ADA2: variants seen among roughly 807,000 people sequenced by gnomAD.
ADA2 encodes adenosine deaminase CECR1.
A neutral mutation model predicts 44.2 loss-of-function variants in ADA2; 29 were observed. The observed-to-expected ratio is 0.66, with a 90% CI of 0.49 to 0.89. The LOEUF (loss-of-function observed/expected upper bound fraction) is 0.89, where lower values mean the gene tolerates loss of function less well. Ranked by LOEUF, ADA2 falls within the 40% of genes least tolerant of loss-of-function variation. The pLI, the probability that ADA2 is intolerant of heterozygous loss-of-function variation, is 0.00. For synonymous variants in ADA2, 215 were observed against 234.9 expected, an observed-to-expected ratio of 0.92 and a Z score of 0.77; for missense variants, 637 against 644.8, an observed-to-expected ratio of 0.99 and a Z score of 0.13.
chr22:17,181,374 AT>A lies in ADA2; in HGVS notation c.*108del. The stretch of plus-strand genomic sequence containing the variant: ...CAAGTGCTTCTCACAGGGTCGCTCC[AT>A]ACAGAGGCCATTGATTTCATGGGCA... On this transcript the variant is annotated 3_prime_UTR_variant, in exon 10 of 10. Coordinates refer to ENST00000399837, the MANE Select transcript of ADA2 (RefSeq NM_001282225.2). 1.3e-6 allele frequency: 1 copy of A among 791,284 alleles called. No homozygotes were observed. Among genetic ancestry groups the A allele is most frequent in the Middle Eastern group, 3.0e-4 (1 of 3,384 alleles). 49.0% of individuals were successfully genotyped at this position (791,284 alleles called of 1,614,324 possible).
chr22:17,216,769 A>ACACAC (rs373885180), intron 1 of ADA2, among the ~76,000 whole-genome samples: 13 of 120,150 alleles, frequency 1.1e-4, no homozygotes, highest in South Asian at 4.8e-4. Flanking sequence ...AAAAAAAAAA[A>ACACAC]AAACACACAC....
chr22:17,210,471 T>C lies in ADA2; in HGVS notation c.-46-748A>G, dbSNP rs542526631. Among the ~76,000 whole-genome samples, 7 of 152,240 alleles carry C rather than the reference T, an allele frequency of 4.6e-5. No homozygotes were observed. In the South Asian group the frequency reaches 1.2e-3, roughly 27 times the overall value. The stretch of plus-strand genomic sequence containing the variant: ...TCCCAAAGTGCTGGGATTACAGGCA[T>C]GAGTCACCGCGCCCGGCAGGTTTTC... On this transcript the variant is annotated intron_variant, in intron 1 of 9. Transcript: ENST00000399837.
chr22:17,208,149 G>A (rs977140695), intron 2 of ADA2, among the ~76,000 whole-genome samples: 1 of 151,976 alleles, frequency 6.6e-6, no homozygotes, highest in African/African-American at 2.4e-5. Context: ...AAAACAGCTG[G>A]GCACAGTGGC....
In ADA2 at chr22:17,179,679, G is replaced by C. The variant is rs1300935910; in HGVS notation, c.*1804C>G. 1.3e-5 allele frequency: 2 copies of C among 152,314 alleles called. No homozygotes were observed. The highest frequency in any genetic ancestry group is 2.9e-5 in the Non-Finnish European group (2 of 68,142). The allele number at this position is 152,314 out of a possible 1,614,324, so 9.4% of individuals were successfully genotyped here. Reference sequence around the variant, plus strand: ...AGCCGAGGACATTTGAGGAAGAAAGGGCCGCCGGGGTTGGGGCCCTCTGGG... The same window carrying C: ...AGCCGAGGACATTTGAGGAAGAAAGCGCCGCCGGGGTTGGGGCCCTCTGGG... On this transcript the variant is annotated 3_prime_UTR_variant, in exon 10 of 10. Coordinates refer to ENST00000399837, the MANE Select transcript of ADA2 (RefSeq NM_001282225.2).
chr22:17,182,901 T>G, intron 7 of ADA2, 140 bp from the exon 8 acceptor site: 1 of 738,226 alleles, frequency 1.4e-6, no homozygotes, highest in Middle Eastern at 3.9e-4. Context: ...GAAATTAACA[T>G]TAACACAAAT....
At position 17,188,445 on chromosome 22, in the gene ADA2, C is replaced by T. The variant is rs202040790; in HGVS notation, c.975G>A (p.Val325=). 3.7e-6 allele frequency: 6 copies of T among 1,608,158 alleles called. No individual in the cohort carries two copies. In the East Asian group the frequency reaches 1.1e-4, roughly 30 times the overall value. The part of the protein sequence containing the change: ...FPTVVAGFDL[V]GHEDTGHSLH... ...AGGAGTGGCCAGTGTCCTCATGCCC[C>T]ACCTGCAGGACAGAGAGGGACAGGG... is the stretch of plus-strand genomic sequence containing the variant. Residue 325 remains valine (V), a splice_region_variant and synonymous_variant, in exon 7 of 10, where the codon GTG becomes GTA. Transcript: ENST00000399837.
At chr22:17,199,804 G>A in intron 4 of ADA2, 1 of 1,380,004 alleles carries the variant, frequency 7.2e-7, no homozygotes, top group Non-Finnish European at 9.5e-7. Flanking sequence ...ATTAATAGCT[G>A]GGCATGGCTC....
At chr22:17,209,875 G>C in intron 1 of ADA2, 152 bp from the exon 2 acceptor site, 1 of 559,150 alleles carries the variant, frequency 1.8e-6, no homozygotes, top group Non-Finnish European at 3.1e-6. Flanking sequence ...GTACAGACAG[G>C]TAGGGGTTTC....
chr22:17,189,402 T>A (rs1325062121), intron 6 of ADA2, among the ~76,000 whole-genome samples: 3 of 152,140 alleles, frequency 2.0e-5, no homozygotes, highest in Non-Finnish European at 4.4e-5. Context: ...TGACAACACC[T>A]ATGAATGTGT....
chr22:17,197,268 T>C (rs1185744342), intron 4 of ADA2, among the ~76,000 whole-genome samples: 2 of 143,198 alleles, frequency 1.4e-5, no homozygotes, highest in African/African-American at 2.6e-5. Flanking sequence ...TTCTTTTTTT[T>C]CTTTTTTTTT....
At chr22:17,189,766 G>A (rs1218692375) in intron 6 of ADA2, 176 bp downstream of exon 6, 2 of 571,908 alleles carry the variant, frequency 3.5e-6, no homozygotes, top group African/African-American at 1.9e-5. Flanking sequence ...CCTCTGAAGA[G>A]GGTCAGCGCT....
chr22:17,214,121 C>A, intron 1 of ADA2: 1 of 718,152 alleles, frequency 1.4e-6, no homozygotes, highest in Non-Finnish European at 2.5e-6. Context: ...GACACACTCA[C>A]GGAGCATTAC....
intron 7 of ADA2, among the ~76,000 whole-genome samples, chr22:17,187,671 A>G (rs1185728450): frequency 6.6e-6 from 1 of 151,180 alleles, no homozygotes; most frequent in South Asian, 2.1e-4. Context: ...AAATTAAAAA[A>G]AAAAAAAAAA....
intron 5 of ADA2, 82 bp downstream of exon 5, chr22:17,191,601 C>G: frequency 2.5e-5 from 31 of 1,253,202 alleles, no homozygotes; most frequent in East Asian, 7.7e-5. Context: ...AGCCCCGCTT[C>G]TCACCCCTCC....
Position 17,191,822 on chromosome 22 carries a change from G to A in ADA2, c.754-12C>T, listed in dbSNP as rs759799670. On this transcript the variant is annotated splice_polypyrimidine_tract_variant and intron_variant, in intron 4 of 9. Coordinates refer to ENST00000399837, the MANE Select transcript of ADA2 (RefSeq NM_001282225.2). ...CTGAGCTCATACACCTGGGAAGAAA[G>A]CACAACCAGGAGCCGTCAGGTGAGC... 3 of 1,608,782 alleles carry A rather than the reference G, an allele frequency of 1.9e-6. No individual in the cohort carries two copies. The African/African-American group carries it at 4.0e-5, about 22-fold the overall frequency.
chr22:17,201,967 C>CTTTTTTTTTTTTTTTTTTTT (rs71200247), intron 4 of ADA2, among the ~76,000 whole-genome samples: 1 of 103,122 alleles, frequency 9.7e-6, no homozygotes, highest in African/African-American at 3.8e-5. Flanking sequence ...TTTCTTTTTT[C>CTTTTTTTTTTTTTTTTTTTT]TTTTTTTTTT....
rs751440789 is a variant in ADA2, at chr22:17,207,324, G to A, written c.323-34C>T. The A allele has an allele frequency of 1.4e-5, 21 of 1,500,598 alleles. No homozygotes were observed. The South Asian group carries it at 2.2e-4, about 16-fold the overall frequency. 93.0% of individuals were successfully genotyped at this position (1,500,598 alleles called of 1,614,324 possible). On this transcript the variant is annotated intron_variant, in intron 2 of 9. Transcript: ENST00000399837. ...GGAAGAAGAATGGTGAAGACAAAGGGGTGAAGTCCCATCCCAGGACTCCAG... is the reference window on the plus strand; with the variant it reads ...GGAAGAAGAATGGTGAAGACAAAGGAGTGAAGTCCCATCCCAGGACTCCAG...
intron 4 of ADA2, chr22:17,199,442 C>CCCCTCCCACCCCACCTCTATCCTCTTA: frequency 9.8e-7 from 1 of 1,022,722 alleles, no homozygotes; most frequent in Non-Finnish European, 1.5e-6. Context: ...CTATCCTCTT[C>CCCCTCCCACCCCACCTCTATCCTCTTA]CCCTCCACCC....
At chr22:17,199,416 T>TCCTCCCTCCCCTCCTCTAACCTCTTCC (rs2062241478) in intron 4 of ADA2, 8 of 432,386 alleles carry the variant, frequency 1.9e-5, no homozygotes, top group African/African-American at 1.3e-4. Context: ...TCTCAGCGTC[T>TCCTCCCTCCCCTCCTCTAACCTCTTCC]CCTCCCTCCC....
Sources: allele counts gnomAD v4.1 joint callset (sites outside exome capture counted in the v4.1 genomes callset), GRCh38; gene constraint gnomAD v4.1.1; transcripts MANE v1.5; gene names NCBI Gene and HGNC (gene_info 2026-07-23, HGNC 2026-07-21).